The following SOBP variants were observed in gnomAD, a reference collection of about 807,000 sequenced individuals.
The protein encoded by SOBP is sine oculis-binding protein homolog.
Under a neutral mutation model 53.6 loss-of-function variants are expected in SOBP, and 4 were observed. The observed-to-expected ratio is 0.07, with a 90% confidence interval of 0.04 to 0.17. The LOEUF (loss-of-function observed/expected upper bound fraction) is 0.17, where lower values mean the gene tolerates loss of function less well. Among genes scored for constraint, SOBP ranks in the 10% least tolerant of loss-of-function variants. The probability of loss-of-function intolerance (pLI) is 1.00; values close to 1 mark genes in which losing one functional copy is unlikely to be tolerated. For missense variants in SOBP, 1,088 were observed against 1,204.7 expected (o/e 0.90, Z 1.43); for synonymous variants, 584 against 522.6 (o/e 1.12, Z -1.60).
intron 2 of SOBP, among the ~76,000 whole-genome samples, chr6:107,505,022 A>G (rs1254629947): frequency 2.6e-5 from 4 of 152,216 alleles, no homozygotes; most frequent in African/African-American, 9.6e-5. Flanking sequence ...TTGTTTTTTT[A>G]AGTGATTCAC....
intron 4 of SOBP, among the ~76,000 whole-genome samples, chr6:107,571,757 G>A (rs767163836): frequency 7.2e-5 from 11 of 152,154 alleles, no homozygotes; most frequent in Non-Finnish European, 1.5e-4. Context: ...TATAGCTACT[G>A]CCTTGTCTAT....
intron 1 of SOBP, among the ~76,000 whole-genome samples, chr6:107,498,891 G>T (rs1051877696): frequency 6.6e-6 from 1 of 152,130 alleles, no homozygotes; most frequent in African/African-American, 2.4e-5. Flanking sequence ...AAGGAAAGAG[G>T]CAGGGAAATT....
intron 6 of SOBP, among the ~76,000 whole-genome samples, chr6:107,656,315 G>GACAGAAAGAC (rs1772043936): frequency 1.2e-4 from 1 of 8,304 alleles, no homozygotes; most frequent in African/African-American, 3.0e-4. Context: ...AAGAAAGAAA[G>GACAGAAAGAC]AAAGAAAGAA....
chr6:107,587,209 G>GT, intron 5 of SOBP, 34 bp downstream of exon 5: 1 of 1,553,478 alleles, frequency 6.4e-7, no homozygotes, highest in South Asian at 1.1e-5. Flanking sequence ...AGTCTAGAAT[G>GT]TTACTTTAGC....
intron 5 of SOBP, among the ~76,000 whole-genome samples, chr6:107,601,470 T>C (rs1304861684): frequency 6.6e-6 from 1 of 152,252 alleles, no homozygotes; most frequent in Non-Finnish European, 1.5e-5. Flanking sequence ...AAAATAAGTG[T>C]TTGTCATCTT....
chr6:107,650,760 A>T (rs1430209109), intron 6 of SOBP, among the ~76,000 whole-genome samples: 1 of 152,208 alleles, frequency 6.6e-6, no homozygotes, highest in Non-Finnish European at 1.5e-5. Context: ...TAATAATTCT[A>T]TGATGGCCTC....
At chr6:107,609,168 TTA>T (rs1158322934) in intron 5 of SOBP, among the ~76,000 whole-genome samples, 4 of 152,256 alleles carry the variant, frequency 2.6e-5, no homozygotes, top group African/African-American at 9.6e-5. Context: ...CACTGTGTAC[TTA>T]TTTGTAAATT....
intron 5 of SOBP, among the ~76,000 whole-genome samples, chr6:107,620,335 G>T (rs1003110112): frequency 6.6e-6 from 1 of 152,180 alleles, no homozygotes; most frequent in African/African-American, 2.4e-5. Context: ...TCTCTCCTCT[G>T]TGGTCCTCTG....
Position 107,533,667 on chromosome 6 carries a change from A to G in SOBP, c.573+57A>G, listed in dbSNP as rs1583182482. 20 of 1,606,880 alleles carry G rather than the reference A, an allele frequency of 1.2e-5. No homozygotes were observed. In the East Asian group the frequency reaches 2.9e-4, roughly 23 times the overall value. ...ACAGGCCTCACCAGCCCACACGCGC[A>G]TGTGCCTCATAGCTTCTAGCGGAAA... is the stretch of plus-strand genomic sequence containing the variant. On this transcript the variant is annotated intron_variant, in intron 4 of 6. Transcript: ENST00000317357.
chr6:107,629,633 G>A (rs912335210), intron 5 of SOBP, among the ~76,000 whole-genome samples: 2 of 152,164 alleles, frequency 1.3e-5, no homozygotes, highest in African/African-American at 4.8e-5. Flanking sequence ...CGTGCCTTTC[G>A]GCTTTCTTAT....
intron 5 of SOBP, among the ~76,000 whole-genome samples, chr6:107,615,757 C>A (rs1347577397): frequency 3.9e-5 from 6 of 152,056 alleles, no homozygotes; most frequent in African/African-American, 1.4e-4. Flanking sequence ...AAAATTTAAT[C>A]AATTCCAGTT....
At chr6:107,508,202 G>C (rs1438065548) in intron 3 of SOBP, among the ~76,000 whole-genome samples, 2 of 152,188 alleles carry the variant, frequency 1.3e-5, no homozygotes, top group African/African-American at 2.4e-5. Context: ...TTATGTTATA[G>C]ATATACTTAC....
rs538916772 is a variant in SOBP, at chr6:107,659,651, C to T, written c.*1448C>T. ...CCCGCCCCACAAGGCCGCGGAGCCT[C>T]AGCAGGAGGGGTGGCGAGTTGCGGG... is the stretch of plus-strand genomic sequence containing the variant. On this transcript the variant is annotated 3_prime_UTR_variant, in exon 7 of 7. Transcript: ENST00000317357. 1.3e-5 allele frequency: 2 copies of T among 152,938 alleles called. No individual in the cohort carries two copies. Among genetic ancestry groups the T allele is most frequent in the East Asian group, 3.9e-4 (2 of 5,188 alleles). The allele number at this position is 152,938 out of a possible 1,614,324, so 9.5% of individuals were successfully genotyped here.
chr6:107,610,796 G>GCACACA (rs150127640), intron 5 of SOBP, among the ~76,000 whole-genome samples: 46 of 149,036 alleles, frequency 3.1e-4, no homozygotes, highest in African/African-American at 7.8e-4. Context: ...GTGTGCACAC[G>GCACACA]CACACACACA....
chr6:107,510,565 T>A (rs1783141324), intron 3 of SOBP: 1 of 152,252 alleles, frequency 6.6e-6, no homozygotes, highest in Non-Finnish European at 1.5e-5. Flanking sequence ...TGACCTTGAC[T>A]GCAGCTTCCT....
At chr6:107,504,212 G>C (rs907652185) in intron 2 of SOBP, among the ~76,000 whole-genome samples, 2 of 152,202 alleles carry the variant, frequency 1.3e-5, no homozygotes, top group African/African-American at 4.8e-5. Flanking sequence ...TGTTAGTTTG[G>C]TAATCCTCCT....
intron 4 of SOBP, among the ~76,000 whole-genome samples, chr6:107,562,524 T>C (rs1030015330): frequency 1.3e-5 from 2 of 152,244 alleles, no homozygotes; most frequent in African/African-American, 4.8e-5. Flanking sequence ...CTTCCTCAGA[T>C]AATTTTTGTA....
chr6:107,589,468 C>G (rs1785673862), intron 5 of SOBP, among the ~76,000 whole-genome samples: 2 of 152,178 alleles, frequency 1.3e-5, no homozygotes, highest in Non-Finnish European at 2.9e-5. Context: ...TAAACAAAAG[C>G]AAAGCAAAAT....
chr6:107,656,788 T>G (rs1343142662), intron 6 of SOBP, among the ~76,000 whole-genome samples: 2 of 152,350 alleles, frequency 1.3e-5, no homozygotes, highest in East Asian at 1.9e-4. Flanking sequence ...TTCTTCACTA[T>G]AAAATGAGGA....
Sources: gnomAD v4.1 joint callset for allele counts (sites outside exome capture counted in the v4.1 genomes callset) on GRCh38, gnomAD v4.1.1 for gene constraint, MANE v1.5 for transcripts, NCBI Gene and HGNC (gene_info 2026-07-23, HGNC 2026-07-21) for gene names.